The following ABCC10 variants were observed in gnomAD, a reference collection of about 807,000 sequenced individuals.
ABCC10 encodes the protein ATP binding cassette subfamily C member 10.
ABCC10 carries 110 observed loss-of-function variants against 143.2 expected under a neutral mutation model. The observed-to-expected ratio is 0.77, with a 90% confidence interval of 0.66 to 0.90. The LOEUF (loss-of-function observed/expected upper bound fraction) is 0.90. ABCC10 is among the 40% of genes least tolerant of loss of function. The pLI, the probability that ABCC10 is intolerant of heterozygous loss-of-function variation, is 0.00. For missense variants in ABCC10, 1,700 were observed against 1,900.5 expected, an observed-to-expected ratio of 0.89 and a Z score of 1.96; for synonymous variants, 805 against 846.7, an observed-to-expected ratio of 0.95 and a Z score of 0.85.
At position 43,433,332 on chromosome 6, in the gene ABCC10, T is replaced by C. The variant is rs746806212; in HGVS notation, c.1352T>C (p.Met451Thr). 1.1e-5 allele frequency: 18 copies of C among 1,613,616 alleles called. No individual in the cohort carries two copies. The highest frequency in any genetic ancestry group is 1.4e-5 in the Non-Finnish European group (16 of 1,179,732). Residue 451 changes from methionine (M) to threonine (T), a missense_variant, in exon 3 of 22, where the codon ATG (methionine) becomes ACG (threonine). Met to Thr is a moderately conservative substitution (Grantham distance 81). Transcript: ENST00000372530. ...ATRIMASNQE[M>T]LQHKDARVKL... The stretch of plus-strand genomic sequence containing the variant: ...CGCATCATGGCCAGCAACCAGGAAA[T>C]GCTACAGCACAAGGATGCGCGGGTT...
At chr6:43,449,626 C>A in intron 21 of ABCC10, 92 bp downstream of exon 21, 1 of 1,044,522 alleles carries the variant, frequency 9.6e-7, no homozygotes, top group Non-Finnish European at 1.4e-6. Flanking sequence ...TGGTCAGGGC[C>A]TTAGAGATCC....
Position 43,432,929 on chromosome 6 carries a change from C to T in ABCC10, c.949C>T (p.Gln317Ter). The change falls in exon 3 of 22, where the codon CAG (glutamine) becomes TAG (stop). Residue 317 changes from glutamine (Q) to a stop codon, truncating the protein, a stop_gained. Coordinates refer to ENST00000372530, the MANE Select transcript of ABCC10 (RefSeq NM_001198934.2). LOFTEE classifies it high-confidence loss of function. Reference protein sequence around the residue: ...SLLVGFLEEGQEPLSHGLLYA... With the variant: ...SLLVGFLEEG Reference sequence around the variant, plus strand: ...ACTGGTGGGCTTCCTGGAAGAGGGGCAGGAGCCACTAAGCCACGGCCTGCT... The same window carrying T: ...ACTGGTGGGCTTCCTGGAAGAGGGGTAGGAGCCACTAAGCCACGGCCTGCT... 1 of 1,614,120 alleles carries T rather than the reference C, an allele frequency of 6.2e-7. No individual in the cohort carries two copies. Among genetic ancestry groups the T allele is most frequent in the Non-Finnish European group, 8.5e-7 (1 of 1,180,024 alleles).
At chr6:43,451,424 A>G, downstream of ABCC10, 7 of 1,075,728 alleles carry the variant, frequency 6.5e-6, no homozygotes, top group Non-Finnish European at 9.1e-6. This position sits in a 1 kb window ranked among gnomAD's most constrained non-coding sequence, Gnocchi z 4.4. Context: ...GAATAAAAAT[A>G]GTACCCAGCT....
Position 43,433,341 on chromosome 6 carries a change from A to T in ABCC10, c.1361A>T (p.His454Leu). The change falls in exon 3 of 22, where the codon CAC becomes CTC. Residue 454 changes from histidine (H) to leucine (L), a missense_variant. Physicochemically the swap from His to Leu is moderately conservative, Grantham distance 99. Coordinates refer to ENST00000372530, the MANE Select transcript of ABCC10 (RefSeq NM_001198934.2). ...IMASNQEMLQ[H>L]KDARVKLVTE... The stretch of plus-strand genomic sequence containing the variant: ...GCCAGCAACCAGGAAATGCTACAGC[A>T]CAAGGATGCGCGGGTTAAGGTGAGC... 6.2e-7 allele frequency: 1 copy of T among 1,612,710 alleles called. No individual in the cohort carries two copies. The highest frequency in any genetic ancestry group is 8.5e-7 in the Non-Finnish European group (1 of 1,178,898).
intron 2 of ABCC10, 110 bp downstream of exon 2, chr6:43,428,249 A>T (rs1361839814): frequency 1.4e-5 from 17 of 1,253,650 alleles, no homozygotes; most frequent in Middle Eastern, 2.8e-4. Context: ...GGAGTAGGGC[A>T]GAAGTAGAAT....
Position 43,432,720 on chromosome 6 carries a change from T to C in ABCC10, c.740T>C (p.Ile247Thr). The change falls in exon 3 of 22, where the codon ATT becomes ACT. Residue 247 changes from isoleucine (I) to threonine (T), a missense_variant. Coordinates refer to ENST00000372530, the MANE Select transcript of ABCC10 (RefSeq NM_001198934.2). Reference sequence around the variant, plus strand: ...GGAGAGCTCCGGCAGCCTCAGGACATTTGCCGCCTCCCCCACAGACTGCAG... The same window carrying C: ...GGAGAGCTCCGGCAGCCTCAGGACACTTGCCGCCTCCCCCACAGACTGCAG... ...ACGELRQPQDICRLPHRLQPT... is the reference protein window; with the variant it reads ...ACGELRQPQDTCRLPHRLQPT... The C allele has an allele frequency of 6.2e-7, 1 of 1,614,082 alleles. No individual in the cohort carries two copies. Among genetic ancestry groups the C allele is most frequent in the Non-Finnish European group, 8.5e-7 (1 of 1,180,000 alleles).
At chr6:43,431,930 T>C in intron 2 of ABCC10, 6 of 1,396,048 alleles carry the variant, frequency 4.3e-6, no homozygotes, top group Non-Finnish European at 5.6e-6. Context: ...GGTGGCCGGT[T>C]AGCTCAGTTG....
At chr6:43,444,384 G>A (rs368415160) in intron 12 of ABCC10, 31 bp downstream of exon 12, 229 of 1,567,284 alleles carry the variant, frequency 1.5e-4, no homozygotes, top group Middle Eastern at 2.2e-4. Flanking sequence ...CTCTTACATC[G>A]TAACGGCTGT....
chr6:43,446,871 G>A, intron 16 of ABCC10: 1 of 1,048,810 alleles, frequency 9.5e-7, no homozygotes, highest in Non-Finnish European at 1.1e-6. Flanking sequence ...TTTTTGAGAT[G>A]GAGTCTCGCT....
At chr6:43,427,866 C>T in intron 1 of ABCC10, 102 bp from the exon 2 acceptor site, 1 of 1,387,240 alleles carries the variant, frequency 7.2e-7, no homozygotes, top group Non-Finnish European at 1.0e-6. Context: ...GACGGGCGGT[C>T]CCGGTTCCAG....
chr6:43,440,606 G>A (rs1581749025), intron 8 of ABCC10, among the ~76,000 whole-genome samples: 1 of 150,534 alleles, frequency 6.6e-6, no homozygotes, highest in Non-Finnish European at 1.5e-5. Context: ...GCTCACGCCT[G>A]TAATCCCAGC....
chr6:43,438,034 C>A (rs201680418), intron 7 of ABCC10, 21 bp downstream of exon 7: 59 of 1,605,560 alleles, frequency 3.7e-5, no homozygotes, highest in Admixed American at 6.8e-5. Context: ...TCCTATGCAC[C>A]CCTGTCCTTA....
Position 43,447,612 on chromosome 6 carries a change from C to T in ABCC10, c.3706-72C>T, listed in dbSNP as rs115869996. On this transcript the variant is annotated intron_variant, in intron 17 of 21. Transcript: ENST00000372530. Reference sequence around the variant, plus strand: ...CACTGTCCATTTCTCATTATTCTCCCCTCCTCACCATCGCTCCTCATCTCC... The same window carrying T: ...CACTGTCCATTTCTCATTATTCTCCTCTCCTCACCATCGCTCCTCATCTCC... 473 of 1,591,248 alleles carry T rather than the reference C, an allele frequency of 3.0e-4. 2 individuals carry two copies. In the African/African-American group the frequency reaches 5.9e-3, roughly 20 times the overall value.
intron 6 of ABCC10, 117 bp downstream of exon 6, chr6:43,436,364 G>A: frequency 1.5e-6 from 2 of 1,291,942 alleles, no homozygotes; most frequent in Non-Finnish European, 1.1e-6. Context: ...TCTAATTGCT[G>A]CAGGAGGGAT....
rs1265238922 is a variant in ABCC10 at position 43,444,831 on chromosome 6, T to C, written c.2733T>C (p.Ser911=). 10 of 1,612,720 alleles carry C rather than the reference T, an allele frequency of 6.2e-6. No individual in the cohort carries two copies. Among genetic ancestry groups the C allele is most frequent in the African/African-American group, 1.3e-5 (1 of 74,948 alleles). The part of the protein sequence containing the change: ...AADWWLSHWI[S]QLKAENSSQE... Reference sequence around the variant, plus strand: ...ACTGGTGGCTCTCCCACTGGATCTCTCAGCTGAAGGCTGAGAATAGCTCCC... The same window carrying C: ...ACTGGTGGCTCTCCCACTGGATCTCCCAGCTGAAGGCTGAGAATAGCTCCC... Residue 911 remains serine (S), a synonymous_variant, in exon 13 of 22, where the codon TCT becomes TCC. Transcript: ENST00000372530.
At chr6:43,437,796 C>T (rs1781910279) in intron 6 of ABCC10, 138 bp from the exon 7 acceptor site, 3 of 801,492 alleles carry the variant, frequency 3.7e-6, no homozygotes, top group Admixed American at 2.5e-5. Flanking sequence ...GCGGAGAATT[C>T]TTTCCCTACA....
chr6:43,440,409 T>C (rs1050330829), intron 8 of ABCC10, among the ~76,000 whole-genome samples: 2 of 152,198 alleles, frequency 1.3e-5, no homozygotes, highest in Admixed American at 1.3e-4. Context: ...AAAAGCTTTG[T>C]TGTTCATCTC....
rs1190023820 is a variant in ABCC10, at chr6:43,450,040, G to A, written c.4428G>A (p.Gln1476=). 6.2e-7 allele frequency: 1 copy of A among 1,612,402 alleles called. No individual in the cohort carries two copies. Among genetic ancestry groups the A allele is most frequent in the Admixed American group, 1.7e-5 (1 of 59,968 alleles). Residue 1476 remains glutamine (Q), a synonymous_variant, in exon 22 of 22, where the codon CAG becomes CAA. Coordinates refer to ENST00000372530, the MANE Select transcript of ABCC10 (RefSeq NM_001198934.2). The surrounding 1 kb of genome is among the most constrained non-coding windows in gnomAD (Gnocchi z 4.5). ...LRNQPHSLFQ[Q]LLQSSQQGVP... The stretch of plus-strand genomic sequence containing the variant: ...ACCAGCCCCACTCCCTGTTCCAGCA[G>A]CTGCTGCAGAGCAGCCAGCAGGGAG...
intron 2 of ABCC10, among the ~76,000 whole-genome samples, chr6:43,430,415 A>AT (rs1353164060): frequency 2.0e-5 from 3 of 151,974 alleles, no homozygotes; most frequent in Admixed American, 6.6e-5. Flanking sequence ...TTAAAGGCTG[A>AT]TTTTTTATTC....
Sources: allele counts gnomAD v4.1 joint callset (sites outside exome capture counted in the v4.1 genomes callset), GRCh38; gene constraint gnomAD v4.1.1; non-coding constraint Gnocchi (gnomAD v3.1); transcripts MANE v1.5; gene names NCBI Gene and HGNC (gene_info 2026-07-23, HGNC 2026-07-21).